CACNA1H: variants seen among roughly 807,000 people sequenced by gnomAD.
CACNA1H encodes the protein calcium voltage-gated channel subunit alpha1 H.
A neutral mutation model predicts 192.5 loss-of-function variants in CACNA1H; 149 were observed. The ratio of observed to expected loss-of-function variants is 0.77; its 90% CI spans 0.68 to 0.89. CACNA1H has a LOEUF of 0.89. CACNA1H is among the 40% of genes least tolerant of loss of function. The pLI, the probability that CACNA1H is intolerant of heterozygous loss-of-function variation, is 0.00. For synonymous variants in CACNA1H, 2,202 were observed against 1,475.2 expected (o/e 1.49, Z -11.29); for missense variants, 4,257 against 3,423.5 (o/e 1.24, Z -6.08).
chr16:1,205,291 A>G (rs2141289967), intron 11 of CACNA1H, 26 bp downstream of exon 11: 3 of 1,582,594 alleles, frequency 1.9e-6, no homozygotes, highest in Non-Finnish European at 2.6e-6. Flanking sequence ...CTCCCCAGGA[A>G]GAGGGGCCCG....
intron 14 of CACNA1H, 130 bp from the exon 15 acceptor site, chr16:1,207,640 G>A: frequency 6.4e-6 from 6 of 944,626 alleles, no homozygotes; most frequent in Non-Finnish European, 9.8e-6. Flanking sequence ...TGCCCACCCT[G>A]GCAGTGACAT....
intron 2 of CACNA1H, among the ~76,000 whole-genome samples, chr16:1,159,030 G>C (rs1029083034): frequency 3.9e-5 from 6 of 152,250 alleles, no homozygotes; most frequent in African/African-American, 1.4e-4. Context: ...TGACCTCAGG[G>C]CCCCTGTTCG....
intron 2 of CACNA1H, among the ~76,000 whole-genome samples, chr16:1,189,178 C>T (rs559392268): frequency 2.6e-5 from 4 of 151,654 alleles, no homozygotes; most frequent in South Asian, 2.1e-4. Context: ...AAGCTGTTCT[C>T]CTCCCGGAGA....
At chr16:1,187,869 C>G (rs528916673) in intron 2 of CACNA1H, among the ~76,000 whole-genome samples, 1 of 152,328 alleles carries the variant, frequency 6.6e-6, no homozygotes, top group South Asian at 2.1e-4. Flanking sequence ...GCCCCGCCTC[C>G]GTCCCTCTGT....
rs536994663 is a variant in CACNA1H, at chr16:1,215,265, T to C, written c.5063T>C (p.Ile1688Thr). The C allele has an allele frequency of 6.2e-7, 1 of 1,606,136 alleles. No individual in the cohort carries two copies. Among genetic ancestry groups the C allele is most frequent in the East Asian group, 2.2e-5 (1 of 44,634 alleles). The change falls in exon 29 of 35, where the codon ATC (isoleucine) becomes ACC (threonine). Residue 1688 changes from isoleucine to threonine, a missense_variant. By Grantham distance (89) the Ile-to-Thr change is moderately conservative. Transcript: ENST00000348261. ...KDRWNQLDLA[I>T]VLLSLMGITL... Reference sequence around the variant, plus strand: ...AGGTGGAACCAGCTGGACCTGGCCATCGTGCTGCTGTCACTCATGGGCATC... The same window carrying C: ...AGGTGGAACCAGCTGGACCTGGCCACCGTGCTGCTGTCACTCATGGGCATC...
In CACNA1H at chr16:1,200,731, G is replaced by T; in HGVS notation, c.1135G>T (p.Gly379Cys). Residue 379 changes from glycine to cysteine, a missense_variant, in exon 8 of 35, where the codon GGC becomes TGC. Coordinates refer to ENST00000348261, the MANE Select transcript of CACNA1H (RefSeq NM_021098.3). ...IAIFQVITLE[G>C]WVDIMYYVMD... ...GCCCCCCCAGGTGATCACGCTGGAA[G>T]GCTGGGTGGACATCATGTACTACGT... The T allele has an allele frequency of 6.4e-7, 1 of 1,562,210 alleles. No individual in the cohort carries two copies. Among genetic ancestry groups the T allele is most frequent in the South Asian group, 1.2e-5 (1 of 85,522 alleles).
In CACNA1H at chr16:1,203,982, C is replaced by T. The variant is rs1352268859; in HGVS notation, c.2003-28C>T. 2.0e-6 allele frequency: 3 copies of T among 1,494,694 alleles called. No homozygotes were observed. The African/African-American group carries it at 4.2e-5, about 21-fold the overall frequency. The allele number at this position is 1,494,694 out of a possible 1,614,324, so 92.6% of individuals were successfully genotyped here. On this transcript the variant is annotated intron_variant, in intron 9 of 34. Coordinates refer to ENST00000348261, the MANE Select transcript of CACNA1H (RefSeq NM_021098.3). The stretch of plus-strand genomic sequence containing the variant: ...CTTGTGGCAGCACCACTGAGTGGGC[C>T]TGCCCCTGTCTGTGCCCTCTCCCGC...
Position 1,210,350 on chromosome 16 carries a change from A to ACCCCCCCC in CACNA1H, c.3846-17_3846-16insCCCCCCCC. On this transcript the variant is annotated intron_variant, in intron 18 of 34. Coordinates refer to ENST00000348261, the MANE Select transcript of CACNA1H (RefSeq NM_021098.3). ...TCCACGCCGCCCCGCCCCACCTCTC[A>ACCCCCCCC]CCCGCCCCCGCCCACCCAGGTTCCG... 13 of 313,934 alleles carry ACCCCCCCC rather than the reference A, an allele frequency of 4.1e-5. No homozygotes were observed. The highest frequency in any genetic ancestry group is 1.1e-4 in the South Asian group (3 of 26,200). The allele number at this position is 313,934 out of a possible 1,614,324, so 19.4% of individuals were successfully genotyped here.
Position 1,209,231 on chromosome 16 carries a change from C to G in CACNA1H, c.3563C>G (p.Pro1188Arg). 1.3e-6 allele frequency: 2 copies of G among 1,544,298 alleles called. No individual in the cohort carries two copies. Among genetic ancestry groups the G allele is most frequent in the Non-Finnish European group, 8.7e-7 (1 of 1,146,600 alleles). Residue 1188 changes from proline to arginine, a missense_variant, in exon 17 of 35, where the codon CCC (proline) becomes CGC (arginine). By Grantham distance (103) the Pro-to-Arg change is moderately radical. Transcript: ENST00000348261. Reference protein sequence around the residue: ...EAEDGRAAPGPRATPLRRAES... With the variant: ...EAEDGRAAPGRRATPLRRAES... ...GAGGACGGCAGGGCCGCGCCCGGGC[C>G]CCGTGCCACCCCACTGCGGCGGGCC...
intron 2 of CACNA1H, among the ~76,000 whole-genome samples, chr16:1,154,933 G>C (rs62012312): frequency 0.021 from 3,143 of 152,272 alleles, 48 homozygotes; most frequent in Middle Eastern, 0.037. Context: ...TCTCCCCACC[G>C]GCCCTTCTGA....
chr16:1,196,824 G>A (rs574710230), intron 5 of CACNA1H, among the ~76,000 whole-genome samples: 2 of 152,270 alleles, frequency 1.3e-5, no homozygotes, highest in South Asian at 4.1e-4. Context: ...GGATGGGGTG[G>A]GATCGTTCTT....
At chr16:1,198,580 C>G (rs1298587925) in intron 5 of CACNA1H, 35 bp from the exon 6 acceptor site, 1 of 1,608,898 alleles carries the variant, frequency 6.2e-7, no homozygotes, top group Non-Finnish European at 8.5e-7. Context: ...TCCTGCAGGG[C>G]TTAGCAGTGC....
Position 1,208,020 on chromosome 16 carries a change from G to C in CACNA1H, c.3162G>C (p.Lys1054Asn), listed in dbSNP as rs1968953306. The change falls in exon 16 of 35, where the codon AAG becomes AAC. Residue 1054 changes from lysine to asparagine, a missense_variant. Transcript: ENST00000348261. ...KLRELQTTEL[K>N]MCSLAVTPNG... ...CCTCCCTCTGTCCCGCAGAGCTGAA[G>C]ATGTGTTCCCTGGCCGTGACCCCCA... 1 of 1,604,038 alleles carries C rather than the reference G, an allele frequency of 6.2e-7. No individual in the cohort carries two copies. The highest frequency in any genetic ancestry group is 1.1e-5 in the South Asian group (1 of 89,074).
rs1009747901 is a variant in CACNA1H at position 1,209,170 on chromosome 16, T to C, written c.3502T>C (p.Ser1168Pro). 1.9e-6 allele frequency: 3 copies of C among 1,552,858 alleles called. No individual in the cohort carries two copies. Among genetic ancestry groups the C allele is most frequent in the Non-Finnish European group, 2.6e-6 (3 of 1,149,274 alleles). ...GTGTGGGGAACGTGAGTCCCTGCTG[T>C]CTGGCGAGGGCAAGGGCAGCACCGA... is the stretch of plus-strand genomic sequence containing the variant. Reference protein sequence around the residue: ...GQCGERESLLSGEGKGSTDDE... With the variant: ...GQCGERESLLPGEGKGSTDDE... The change falls in exon 17 of 35, where the codon TCT (serine) becomes CCT (proline). Residue 1168 changes from serine (S) to proline (P), a missense_variant. By Grantham distance (74) the Ser-to-Pro change is moderately conservative. Transcript: ENST00000348261.
Position 1,217,538 on chromosome 16 carries a change from G to A in CACNA1H, c.5324-381G>A, listed in dbSNP as rs552703808. Among the ~76,000 whole-genome samples the A allele has an allele frequency of 3.0e-4, 45 of 152,308 alleles. No individual in the cohort carries two copies. The East Asian group carries it at 5.8e-3, about 20-fold the overall frequency. ...CCCAGTCCCTGCAGGGCCCTCCCCCGGGCCCTGTCCCGACGGTGGGTGTGG... is the reference window on the plus strand; with the variant it reads ...CCCAGTCCCTGCAGGGCCCTCCCCCAGGCCCTGTCCCGACGGTGGGTGTGG... On this transcript the variant is annotated intron_variant, in intron 31 of 34. Transcript: ENST00000348261.
chr16:1,169,389 T>C (rs1964132771), intron 2 of CACNA1H, among the ~76,000 whole-genome samples: 2 of 152,186 alleles, frequency 1.3e-5, no homozygotes, highest in Non-Finnish European at 2.9e-5. Context: ...TGTCGTGGAC[T>C]GGGCTGGTGG....
Position 1,220,990 on chromosome 16 carries a change from T to A in CACNA1H, c.7058T>A (p.Val2353Glu), listed in dbSNP as rs990512900. 20 of 1,574,364 alleles carry A rather than the reference T, an allele frequency of 1.3e-5. No homozygotes were observed. Among genetic ancestry groups the A allele is most frequent in the Non-Finnish European group, 1.7e-5 (20 of 1,162,324 alleles). ...CCAGGGGGTGGTGCAGATGACCCCG[T>A]GTAGCTCGGGGCTTGGTGCCGCCCA... is the stretch of plus-strand genomic sequence containing the variant. ...PAPGGGADDP[V>E] Residue 2353 changes from valine (V) to glutamate (E), a missense_variant, in exon 35 of 35, where the codon GTG becomes GAG. Val to Glu is a moderately radical substitution (Grantham distance 121). Coordinates refer to ENST00000348261, the MANE Select transcript of CACNA1H (RefSeq NM_021098.3).
Position 1,209,144 on chromosome 16 carries a change from A to G in CACNA1H, c.3476A>G (p.Gln1159Arg). The G allele has an allele frequency of 6.4e-7, 1 of 1,553,404 alleles. No homozygotes were observed. The highest frequency in any genetic ancestry group is 8.7e-7 in the Non-Finnish European group (1 of 1,149,648). ...GCCCCCAGCCTCAAGCGCCGCGGCC[A>G]GTGTGGGGAACGTGAGTCCCTGCTG... ...GRAPSLKRRG[Q>R]CGERESLLSG... The change falls in exon 17 of 35, where the codon CAG becomes CGG. Residue 1159 changes from glutamine (Q) to arginine (R), a missense_variant. Coordinates refer to ENST00000348261, the MANE Select transcript of CACNA1H (RefSeq NM_021098.3).
Position 1,153,751 on chromosome 16 carries a change from CA to C in CACNA1H, c.15del (p.Arg6GlyfsTer100). 1 of 1,212,908 alleles carries C rather than the reference CA, an allele frequency of 8.2e-7. No homozygotes were observed. Among genetic ancestry groups the C allele is most frequent in the Non-Finnish European group, 1.0e-6 (1 of 975,828 alleles). 75.1% of individuals were successfully genotyped at this position (1,212,908 alleles called of 1,614,324 possible). A position where few individuals can be genotyped will look rare whatever the true frequency, so the allele number is the denominator to read the frequency against. On this transcript the variant is annotated frameshift_variant, in exon 2 of 35. Transcript: ENST00000348261. LOFTEE classifies it high-confidence loss of function. The stretch of plus-strand genomic sequence containing the variant: ...CCGGCCGCCACCATGACCGAGGGCG[CA>C]CGGGCCGCCGACGAGGTCCGGGTGC... Reference protein sequence around the residue: MTEGARAADEVRVPL... With the variant: MTEGXRAADEVRVPL...
Sources: allele counts gnomAD v4.1 joint callset (sites outside exome capture counted in the v4.1 genomes callset), GRCh38; gene constraint gnomAD v4.1.1; transcripts MANE v1.5; gene names NCBI Gene and HGNC (gene_info 2026-07-23, HGNC 2026-07-21).